The following KMT2C variants were observed in gnomAD, a reference collection of about 807,000 sequenced individuals.
KMT2C encodes lysine methyltransferase 2C.
KMT2C carries 88 observed loss-of-function variants against 507.9 expected under a neutral mutation model. That is an observed-to-expected ratio of 0.17 (90% confidence interval 0.15 to 0.21). The LOEUF is 0.21. Among genes scored for constraint, KMT2C ranks in the 10% least tolerant of loss-of-function variants. KMT2C has a pLI of 1.00. For missense variants in KMT2C, 4,954 were observed against 5,957.8 expected (o/e 0.83, Z 5.55); for synonymous variants, 2,049 against 2,080.8 (o/e 0.98, Z 0.42).
chr7:152,195,548 T>C, intron 28 of KMT2C: 1 of 985,134 alleles, frequency 1.0e-6, no homozygotes, highest in Non-Finnish European at 1.2e-6. Context: ...GCTCTCAACC[T>C]GGAAAGTGCA....
At chr7:152,244,510 C>T (rs543132341) in intron 14 of KMT2C, among the ~76,000 whole-genome samples, 278 of 152,040 alleles carry the variant, frequency 1.8e-3, no homozygotes, top group African/African-American at 6.5e-3. Context: ...AGCAAGACCC[C>T]CATCTCTATA....
chr7:152,287,611 C>T (rs1207963239), intron 6 of KMT2C, among the ~76,000 whole-genome samples: 1 of 152,146 alleles, frequency 6.6e-6, no homozygotes, highest in East Asian at 1.9e-4. Flanking sequence ...TTATACCATA[C>T]TAAGAACCAG....
intron 48 of KMT2C, among the ~76,000 whole-genome samples, chr7:152,153,677 A>G (rs1211782334): frequency 6.6e-6 from 1 of 151,198 alleles, no homozygotes; most frequent in Non-Finnish European, 1.5e-5. Flanking sequence ...GCAGTGAGCT[A>G]TGACTGTGCC....
intron 27 of KMT2C, among the ~76,000 whole-genome samples, chr7:152,198,074 T>A (rs1281957609): frequency 1.3e-5 from 2 of 152,206 alleles, no homozygotes; most frequent in Non-Finnish European, 2.9e-5. Context: ...ATAAACTTTA[T>A]CGTAAAATAT....
At chr7:152,363,457 C>T (rs2129235852) in intron 1 of KMT2C, among the ~76,000 whole-genome samples, 1 of 152,270 alleles carries the variant, frequency 6.6e-6, no homozygotes, top group South Asian at 2.1e-4. Flanking sequence ...CATAAAGCCA[C>T]ATGGGAGTAA....
intron 1 of KMT2C, among the ~76,000 whole-genome samples, chr7:152,432,785 A>G (rs1172001748): frequency 1.3e-5 from 2 of 152,250 alleles, no homozygotes; most frequent in South Asian, 2.1e-4. Flanking sequence ...AAACTTGAGG[A>G]AAGTGTAATT....
Position 152,146,708 on chromosome 7 carries a change from A to G in KMT2C, c.13922T>C (p.Val4641Ala). 6.2e-7 allele frequency: 1 copy of G among 1,614,016 alleles called. No individual in the cohort carries two copies. Among genetic ancestry groups the G allele is most frequent in the Non-Finnish European group, 8.5e-7 (1 of 1,179,932 alleles). The change falls in exon 53 of 59, where the codon GTG becomes GCG. Residue 4641 changes from valine (V) to alanine (A), a missense_variant. Physicochemically the swap from Val to Ala is moderately conservative, Grantham distance 64. Around this residue, in one of 29 missense-constraint regions of KMT2C, gnomAD observed 221 missense variants for 304.7 expected, o/e 0.73. Transcript: ENST00000262189. ...TTCAGACTTTTTTCTCACACATGCC[A>G]CAGGCTCCAAAATCTTATCCCAGAC... ...KGVWDKILEP[V>A]ACVRKKSEML...
In KMT2C at chr7:152,270,508, T is replaced by C. The variant is rs2095943778; in HGVS notation, c.1012+3197A>G. ...TACAAGGCCTACATGATCTAGCCTTTGTTCGCCTTGATGATGTCTCTACTA... is the reference window on the plus strand; with the variant it reads ...TACAAGGCCTACATGATCTAGCCTTCGTTCGCCTTGATGATGTCTCTACTA... On this transcript the variant is annotated intron_variant, in intron 7 of 58. Coordinates refer to ENST00000262189, the MANE Select transcript of KMT2C (RefSeq NM_170606.3). 3.9e-5 allele frequency among the ~76,000 whole-genome samples: 6 copies of C among 152,296 alleles called. No individual in the cohort carries two copies. In the South Asian group the frequency reaches 1.2e-3, roughly 32 times the overall value.
chr7:152,183,286 A>G (rs905254957), intron 34 of KMT2C, 130 bp from the exon 35 acceptor site: 2 of 667,412 alleles, frequency 3.0e-6, no homozygotes, highest in Admixed American at 2.9e-5. Flanking sequence ...TACTTACGGC[A>G]CCTCCCAAAA....
chr7:152,295,527 C>G (rs1052008192), intron 6 of KMT2C, among the ~76,000 whole-genome samples: 10 of 152,238 alleles, frequency 6.6e-5, no homozygotes, highest in African/African-American at 2.4e-4. Flanking sequence ...CAAGCACCAC[C>G]TTAAATCTTT....
At chr7:152,426,451 G>A (rs529854382) in intron 1 of KMT2C, among the ~76,000 whole-genome samples, 46 of 151,984 alleles carry the variant, frequency 3.0e-4, no homozygotes, top group African/African-American at 1.1e-3. Flanking sequence ...TGCCCAGGCT[G>A]GTCTCTAACG....
At chr7:152,145,049 C>T in intron 54 of KMT2C, 104 bp downstream of exon 54, 2 of 1,453,868 alleles carry the variant, frequency 1.4e-6, no homozygotes, top group African/African-American at 1.4e-5. Flanking sequence ...GGCACATACA[C>T]AGCCAGACAG....
intron 16 of KMT2C, among the ~76,000 whole-genome samples, chr7:152,234,811 G>A (rs2095230360): frequency 6.6e-6 from 1 of 152,034 alleles, no homozygotes; most frequent in South Asian, 2.1e-4. Context: ...ACGGAGGTGG[G>A]AGGTCGAAGC....
chr7:152,337,483 T>A (rs2096947124), intron 2 of KMT2C, among the ~76,000 whole-genome samples: 1 of 152,178 alleles, frequency 6.6e-6, no homozygotes, highest in Non-Finnish European at 1.5e-5. Flanking sequence ...TGACTCTAAT[T>A]TATCCTACAC....
chr7:152,193,072 G>A (rs533031528), intron 31 of KMT2C, among the ~76,000 whole-genome samples: 13 of 152,294 alleles, frequency 8.5e-5, no homozygotes, highest in African/African-American at 3.1e-4. Flanking sequence ...CTGCATGGGA[G>A]GCTGAGGACA....
chr7:152,368,637 CAAG>C, intron 1 of KMT2C: 5 of 1,464,232 alleles, frequency 3.4e-6, no homozygotes, highest in South Asian at 2.4e-5. Context: ...TGGAAAAGAA[CAAG>C]AAGAAAGGGA....
rs187940280 is a variant in KMT2C, at chr7:152,210,241, C to A, written c.3713-2813G>T. Among the ~76,000 whole-genome samples, 178 of 152,278 alleles carry A rather than the reference C, an allele frequency of 1.2e-3. 1 individual carries two copies. Among genetic ancestry groups the A allele is most frequent in the Admixed American group, 2.2e-3 (34 of 15,284 alleles). The stretch of plus-strand genomic sequence containing the variant: ...AGTTCAAGAAGAACATCTAAAGATA[C>A]GGAAACCAGAGGGTTCACCAAATGG... On this transcript the variant is annotated intron_variant, in intron 23 of 58. Transcript: ENST00000262189.
chr7:152,241,877 G>A (rs1202030115), intron 14 of KMT2C, among the ~76,000 whole-genome samples: 1 of 152,102 alleles, frequency 6.6e-6, no homozygotes, highest in Non-Finnish European at 1.5e-5. Context: ...TGGTAATTAT[G>A]TATTATTCAT....
chr7:152,392,582 G>A (rs1355830016), intron 1 of KMT2C, among the ~76,000 whole-genome samples: 7 of 152,162 alleles, frequency 4.6e-5, no homozygotes, highest in Non-Finnish European at 8.8e-5. Context: ...TATTGAAAGC[G>A]CAGTGTTTAA....
Sources: allele counts gnomAD v4.1 joint callset (sites outside exome capture counted in the v4.1 genomes callset), GRCh38; gene constraint gnomAD v4.1.1; regional missense constraint gnomAD v4.1.1; transcripts MANE v1.5; gene names NCBI Gene and HGNC (gene_info 2026-07-23, HGNC 2026-07-21).